The following CCSER1 variants were observed in gnomAD, a reference collection of about 807,000 sequenced individuals.
The protein encoded by CCSER1 is serine-rich coiled-coil domain-containing protein 1.
A neutral mutation model predicts 82.0 loss-of-function variants in CCSER1; 41 were observed. The ratio of observed to expected loss-of-function variants is 0.50; its 90% CI spans 0.39 to 0.65. The LOEUF (loss-of-function observed/expected upper bound fraction) is 0.65. Among genes scored for constraint, CCSER1 ranks in the 30% least tolerant of loss-of-function variants. The pLI is 0.00. For synonymous variants in CCSER1, 414 were observed against 383.9 expected, an observed-to-expected ratio of 1.08 and a Z score of -0.92; for missense variants, 1,119 against 1,064.2, an observed-to-expected ratio of 1.05 and a Z score of -0.72.
chr4:90,493,789 C>A (rs559124360), intron 5 of CCSER1, among the ~76,000 whole-genome samples: 2 of 152,090 alleles, frequency 1.3e-5, no homozygotes, highest in African/African-American at 4.8e-5. Flanking sequence ...AAGGAACAAC[C>A]GGTACCAGCT....
chr4:90,443,361 A>G (rs986219721), intron 4 of CCSER1, among the ~76,000 whole-genome samples: 1 of 152,150 alleles, frequency 6.6e-6, no homozygotes, highest in African/African-American at 2.4e-5. Context: ...AGATACTACC[A>G]CAGTCAGTTA....
intron 7 of CCSER1, among the ~76,000 whole-genome samples, chr4:90,785,757 A>G (rs1754429254): frequency 6.6e-6 from 1 of 152,064 alleles, no homozygotes; most frequent in Admixed American, 6.6e-5. Flanking sequence ...ATTTTAGTAG[A>G]TTTTACAGTA....
intron 5 of CCSER1, among the ~76,000 whole-genome samples, chr4:90,474,594 T>G (rs1764817777): frequency 6.6e-6 from 1 of 152,176 alleles, no homozygotes; most frequent in African/African-American, 2.4e-5. Flanking sequence ...CCATGGTGGG[T>G]GTATTTACAT....
intron 1 of CCSER1, among the ~76,000 whole-genome samples, chr4:90,297,507 C>T (rs1456053161): frequency 6.6e-6 from 1 of 150,694 alleles, no homozygotes; most frequent in Admixed American, 6.6e-5. Flanking sequence ...CCTGATTGCC[C>T]TGGCCAGAAC....
At chr4:91,442,383 A>G (rs546935732) in intron 10 of CCSER1, among the ~76,000 whole-genome samples, 2 of 151,874 alleles carry the variant, frequency 1.3e-5, no homozygotes, top group South Asian at 4.2e-4. Flanking sequence ...AGGATTCGCT[A>G]TTTAATAAAT....
chr4:91,157,405 A>C (rs1469573557), intron 10 of CCSER1, among the ~76,000 whole-genome samples: 1 of 151,944 alleles, frequency 6.6e-6, no homozygotes, highest in Non-Finnish European at 1.5e-5. Flanking sequence ...CTTATAAGGC[A>C]TTTCTCTTTA....
chr4:90,496,461 C>G (rs887563767), intron 5 of CCSER1, among the ~76,000 whole-genome samples: 2 of 152,160 alleles, frequency 1.3e-5, no homozygotes, highest in Non-Finnish European at 2.9e-5. Flanking sequence ...CTACATTTCA[C>G]TGTTTATAAA....
At chr4:90,158,314 CG>C (rs1728710311) in intron 1 of CCSER1, among the ~76,000 whole-genome samples, 1 of 152,138 alleles carries the variant, frequency 6.6e-6, no homozygotes, top group Non-Finnish European at 1.5e-5. Flanking sequence ...TTAGGCTGCT[CG>C]GGGGTCAGGG....
intron 9 of CCSER1, among the ~76,000 whole-genome samples, chr4:90,930,053 G>A (rs895272189): frequency 2.0e-5 from 3 of 152,072 alleles, no homozygotes; most frequent in African/African-American, 7.2e-5. Flanking sequence ...TACACACGCA[G>A]GAGGTTTTAT....
rs550334531 is a variant in CCSER1, at chr4:91,161,510, T to C, written c.2217+75516T>C. 1.1e-3 allele frequency among the ~76,000 whole-genome samples: 173 copies of C among 152,260 alleles called. 1 individual carries two copies. The highest frequency in any genetic ancestry group is 3.7e-3 in the African/African-American group (153 of 41,556). ...ACCTTGGGCAGTATGGCCATTTTCA[T>C]GATATTGATTCTTGCTGTACATGAG... On this transcript the variant is annotated intron_variant, in intron 10 of 10. Transcript: ENST00000509176.
chr4:90,732,189 G>T (rs1006359010), intron 7 of CCSER1, among the ~76,000 whole-genome samples: 1 of 152,086 alleles, frequency 6.6e-6, no homozygotes, highest in Non-Finnish European at 1.5e-5. Flanking sequence ...TTCCCCTAGG[G>T]TGAATGTTCC....
At chr4:90,415,861 T>C (rs1010404959) in intron 4 of CCSER1, among the ~76,000 whole-genome samples, 5 of 152,190 alleles carry the variant, frequency 3.3e-5, no homozygotes, top group Admixed American at 2.6e-4. Context: ...TAAAACACAT[T>C]TTAGTGTTAC....
At chr4:91,238,106 T>A (rs1739159215) in intron 10 of CCSER1, among the ~76,000 whole-genome samples, 1 of 152,170 alleles carries the variant, frequency 6.6e-6, no homozygotes, top group South Asian at 2.1e-4. Context: ...TCTTCTTTAG[T>A]GTCAACAGGA....
chr4:91,494,128 A>G (rs907651031), intron 10 of CCSER1, among the ~76,000 whole-genome samples: 1 of 151,884 alleles, frequency 6.6e-6, no homozygotes, highest in African/African-American at 2.4e-5. Flanking sequence ...AGTAGCCAGT[A>G]CTAAATACCA....
intron 10 of CCSER1, among the ~76,000 whole-genome samples, chr4:91,174,430 AC>A (rs1220848866): frequency 2.0e-5 from 3 of 152,232 alleles, no homozygotes; most frequent in East Asian, 3.9e-4. Flanking sequence ...TGATGGACAA[AC>A]ATTTTTTAAT....
chr4:90,175,804 C>T lies in CCSER1; in HGVS notation c.-42+47973C>T, dbSNP rs530379480. Among the ~76,000 whole-genome samples, 107 of 151,760 alleles carry T rather than the reference C, an allele frequency of 7.1e-4. 2 individuals are homozygous for T. Among genetic ancestry groups the T allele is most frequent in the South Asian group, 3.5e-3 (17 of 4,810 alleles). ...AATGAATATGAGTGAATGATACTTG[C>T]GAAGTGAAGGATAGATATAGTAAGT... On this transcript the variant is annotated intron_variant, in intron 1 of 10. Transcript: ENST00000509176.
chr4:90,922,404 A>G (rs757129959), intron 8 of CCSER1, among the ~76,000 whole-genome samples: 27 of 152,006 alleles, frequency 1.8e-4, no homozygotes, highest in African/African-American at 6.3e-4. Flanking sequence ...AACCATTGTC[A>G]ATCCTGGGAA....
chr4:90,390,960 C>G (rs548183790), intron 3 of CCSER1, among the ~76,000 whole-genome samples: 1 of 151,796 alleles, frequency 6.6e-6, no homozygotes, highest in Non-Finnish European at 1.5e-5. Flanking sequence ...TGTTTTTTGA[C>G]TTTTTAATAG....
chr4:91,011,332 TAGGGGACC>T lies in CCSER1; in HGVS notation c.2173-74617_2173-74610del, dbSNP rs1436439304. Among the ~76,000 whole-genome samples the T allele has an allele frequency of 4.5e-5, 6 of 133,954 alleles. 2 individuals are homozygous for T. The highest frequency in any genetic ancestry group is 1.0e-4 in the Non-Finnish European group (6 of 57,640). The allele number at this position is 133,954 out of a possible 152,430, so 87.9% of individuals were successfully genotyped here. ...TCCTTCAAAATAGGGATACTTAGCT[TAGGGGACC>T]TCTCTTGGTGCTGGATCTGACATGG... On this transcript the variant is annotated intron_variant, in intron 9 of 10. Transcript: ENST00000509176.
Sources: gnomAD v4.1 joint callset for allele counts (sites outside exome capture counted in the v4.1 genomes callset) on GRCh38, gnomAD v4.1.1 for gene constraint, MANE v1.5 for transcripts, NCBI Gene and HGNC (gene_info 2026-07-23, HGNC 2026-07-21) for gene names.